Variants in TACR1 observed in about 807,000 individuals in gnomAD.
TACR1 encodes tachykinin receptor 1.
TACR1 carries 25 observed loss-of-function variants against 35.8 expected under a neutral mutation model. That is an observed-to-expected ratio of 0.70 (90% CI 0.51 to 0.98). TACR1 has a LOEUF of 0.98. Among genes scored for constraint, TACR1 ranks in the 50% least tolerant of loss-of-function variants. TACR1 has a pLI of 0.00. For missense variants in TACR1, 478 were observed against 522.9 expected, an observed-to-expected ratio of 0.91 and a Z score of 0.84; for synonymous variants, 195 against 206.7, an observed-to-expected ratio of 0.94 and a Z score of 0.48.
chr2:75,184,916 A>T (rs949844854), intron 1 of TACR1, among the ~76,000 whole-genome samples: 1 of 151,920 alleles, frequency 6.6e-6, no homozygotes, highest in Non-Finnish European at 1.5e-5. Flanking sequence ...TATGCTAATA[A>T]TTCTTTCCAA....
At position 75,049,351 on chromosome 2, in the gene TACR1, T is replaced by A. The variant is rs890890486; in HGVS notation, c.*81A>T. 3 of 1,480,650 alleles carry A rather than the reference T, an allele frequency of 2.0e-6. No individual in the cohort carries two copies. The African/African-American group carries it at 4.2e-5, about 21-fold the overall frequency. 91.7% of individuals were successfully genotyped at this position (1,480,650 alleles called of 1,614,324 possible). ...CCCAGTGTGAGGGTGTTTCTGATGG[T>A]TCCAGATGAAGGGAATTTCCATGCA... On this transcript the variant is annotated 3_prime_UTR_variant, in exon 5 of 5. Coordinates refer to ENST00000305249, the MANE Select transcript of TACR1 (RefSeq NM_001058.4).
intron 2 of TACR1, among the ~76,000 whole-genome samples, chr2:75,093,844 G>C (rs960709576): frequency 2.0e-5 from 3 of 152,104 alleles, no homozygotes; most frequent in African/African-American, 2.4e-5. Context: ...GGGGTAACAA[G>C]ACAAAGCTGA....
intron 1 of TACR1, among the ~76,000 whole-genome samples, chr2:75,137,472 TC>T (rs954551902): frequency 6.6e-6 from 1 of 151,990 alleles, no homozygotes; most frequent in Non-Finnish European, 1.5e-5. Context: ...ATGCCTTTAA[TC>T]CCAGCACTTT....
chr2:75,129,748 A>G (rs952674338), intron 1 of TACR1, among the ~76,000 whole-genome samples: 1 of 152,194 alleles, frequency 6.6e-6, no homozygotes, highest in Non-Finnish European at 1.5e-5. Flanking sequence ...ACTCACAAGT[A>G]TATTTAGAGT....
At chr2:75,193,094 T>G (rs1382798073) in intron 1 of TACR1, among the ~76,000 whole-genome samples, 6 of 152,038 alleles carry the variant, frequency 3.9e-5, no homozygotes, top group African/African-American at 1.4e-4. Flanking sequence ...TCTCCCCTAC[T>G]GCCCTCCCTC....
At chr2:75,187,289 T>TGTG (rs1675730457) in intron 1 of TACR1, 1 of 152,220 alleles carries the variant, frequency 6.6e-6, no homozygotes, top group African/African-American at 2.4e-5. Context: ...CAGAGTGCAG[T>TGTG]AGCACCTCAG....
intron 1 of TACR1, among the ~76,000 whole-genome samples, chr2:75,160,282 G>C (rs1338194887): frequency 6.6e-6 from 1 of 151,858 alleles, no homozygotes; most frequent in Non-Finnish European, 1.5e-5. Flanking sequence ...TGAATTATGA[G>C]TACGTATTAT....
At chr2:75,165,855 C>G (rs980438854) in intron 1 of TACR1, among the ~76,000 whole-genome samples, 5 of 152,184 alleles carry the variant, frequency 3.3e-5, no homozygotes, top group Non-Finnish European at 7.3e-5. Flanking sequence ...CTCCCCAGCT[C>G]ATGTTTCTCT....
intron 1 of TACR1, among the ~76,000 whole-genome samples, chr2:75,158,250 C>A (rs1441159480): frequency 1.3e-5 from 2 of 152,180 alleles, no homozygotes; most frequent in Non-Finnish European, 2.9e-5. Flanking sequence ...TTACTCTAGG[C>A]AACTATGTAA....
At chr2:75,180,072 A>T (rs1358719075) in intron 1 of TACR1, among the ~76,000 whole-genome samples, 1 of 152,148 alleles carries the variant, frequency 6.6e-6, no homozygotes, top group Non-Finnish European at 1.5e-5. Context: ...TCTACCTGGA[A>T]AGTCCTTCAC....
intron 1 of TACR1, among the ~76,000 whole-genome samples, chr2:75,182,430 C>T (rs1304187060): frequency 1.3e-5 from 2 of 152,062 alleles, no homozygotes; most frequent in Non-Finnish European, 2.9e-5. Flanking sequence ...CCCTGAACTC[C>T]CGCTCTTCCT....
chr2:75,174,195 C>G (rs1167028378), intron 1 of TACR1, among the ~76,000 whole-genome samples: 1 of 152,220 alleles, frequency 6.6e-6, no homozygotes, highest in Non-Finnish European at 1.5e-5. Flanking sequence ...CACTGCAACA[C>G]TGAAGACTAT....
intron 1 of TACR1, among the ~76,000 whole-genome samples, chr2:75,126,025 A>G (rs1486174444): frequency 6.6e-6 from 1 of 152,150 alleles, no homozygotes; most frequent in African/African-American, 2.4e-5. Flanking sequence ...TTCATGACCC[A>G]TATTAAGCTA....
chr2:75,198,657 G>C lies in TACR1; in HGVS notation c.278C>G (p.Ala93Gly). 3.1e-6 allele frequency: 5 copies of C among 1,614,236 alleles called. No individual in the cohort carries two copies. Among genetic ancestry groups the C allele is most frequent in the Non-Finnish European group, 4.2e-6 (5 of 1,180,034 alleles). Residue 93 changes from alanine (A) to glycine (G), a missense_variant, in exon 1 of 5, where the codon GCT (alanine) becomes GGT (glycine). By Grantham distance (60) the Ala-to-Gly change is moderately conservative. Coordinates refer to ENST00000305249, the MANE Select transcript of TACR1 (RefSeq NM_001058.4). ...AFNTVVNFTY[A>G]VHNEWYYGLF... ...GCCGTAGTACCATTCGTTGTGGACA[G>C]CATAGGTGAAGTTCACCACTGTATT...
chr2:75,053,855 T>G, intron 2 of TACR1, 100 bp from the exon 3 acceptor site: 2 of 1,475,126 alleles, frequency 1.4e-6, no homozygotes, highest in Middle Eastern at 1.8e-4. Flanking sequence ...GCAGCTACCT[T>G]TCTCAGCATA....
rs144774696 is a variant in TACR1, at chr2:75,068,687, A to G, written c.585-14932T>C. On this transcript the variant is annotated intron_variant, in intron 2 of 4. Transcript: ENST00000305249. ...CAGATAGTAAAACTTAGGTACAAACATTGCAGAGTGCTTACAGACTTCCCT... is the reference window on the plus strand; with the variant it reads ...CAGATAGTAAAACTTAGGTACAAACGTTGCAGAGTGCTTACAGACTTCCCT... Among the ~76,000 whole-genome samples, 28 of 152,330 alleles carry G rather than the reference A, an allele frequency of 1.8e-4. No homozygotes were observed. The East Asian group carries it at 5.4e-3, about 29-fold the overall frequency.
chr2:75,181,855 T>C (rs1471191140), intron 1 of TACR1, among the ~76,000 whole-genome samples: 1 of 152,234 alleles, frequency 6.6e-6, no homozygotes, highest in Admixed American at 6.5e-5. Flanking sequence ...TGTTTACAAT[T>C]CTTTCCTCCC....
At chr2:75,097,136 T>G (rs1402879689) in intron 2 of TACR1, among the ~76,000 whole-genome samples, 1 of 152,200 alleles carries the variant, frequency 6.6e-6, no homozygotes, top group Non-Finnish European at 1.5e-5. Context: ...TCCTTGTGCA[T>G]TTGGTGGGAA....
chr2:75,197,877 C>T (rs1380237434), intron 1 of TACR1, among the ~76,000 whole-genome samples: 1 of 152,184 alleles, frequency 6.6e-6, no homozygotes, highest in Non-Finnish European at 1.5e-5. Flanking sequence ...ATAACTGTCT[C>T]TCATTCCTGA....
Sources: gnomAD v4.1 joint callset for allele counts (sites outside exome capture counted in the v4.1 genomes callset) on GRCh38, gnomAD v4.1.1 for gene constraint, MANE v1.5 for transcripts, NCBI Gene and HGNC (gene_info 2026-07-23, HGNC 2026-07-21) for gene names.